The following ANO2 variants were observed in gnomAD, a reference collection of about 807,000 sequenced individuals.
The protein encoded by ANO2 is anoctamin-2.
In ANO2, 101 loss-of-function variants were observed where a neutral mutation model predicts 124.2. That is an observed-to-expected ratio of 0.81 (90% CI 0.69 to 0.96). The LOEUF is 0.96. Among genes scored for constraint, ANO2 ranks in the 40% least tolerant of loss-of-function variants. ANO2 has a pLI of 0.00. For missense variants in ANO2, 1,293 were observed against 1,274.5 expected (o/e 1.01, Z -0.22); for synonymous variants, 486 against 482.5 (o/e 1.01, Z -0.09).
intron 10 of ANO2, among the ~76,000 whole-genome samples, chr12:5,780,558 G>A (rs1952359048): frequency 6.6e-6 from 1 of 152,190 alleles, no homozygotes; most frequent in African/African-American, 2.4e-5. Flanking sequence ...AACACATTCA[G>A]TCATTCCTTT....
Position 5,915,637 on chromosome 12 carries a change from C to A in ANO2, c.534+5403G>T, listed in dbSNP as rs560446056. ...TGGGACAGCTGAGCAGGTGGGGCCA[C>A]CGCACCTACTGTTCAAACTGCCACC... On this transcript the variant is annotated intron_variant, in intron 3 of 24. Transcript: ENST00000682330. Among the ~76,000 whole-genome samples the A allele has an allele frequency of 5.9e-5, 9 of 152,298 alleles. No individual in the cohort carries two copies. In the South Asian group the frequency reaches 1.0e-3, roughly 18 times the overall value.
Position 5,750,964 on chromosome 12 carries a change from A to G in ANO2, c.1062T>C (p.Tyr354=), listed in dbSNP as rs1951417716. The G allele has an allele frequency of 1.9e-6, 3 of 1,596,806 alleles. No homozygotes were observed. The highest frequency in any genetic ancestry group is 4.5e-5 in the East Asian group (2 of 44,722). Residue 354 remains tyrosine, a synonymous_variant, in exon 11 of 25, where the codon TAT becomes TAC. Coordinates refer to ENST00000682330, the MANE Select transcript of ANO2 (RefSeq NM_001364791.2). ...KFQPIDLIRK[Y]FGEKIGLYFA... ...AATACAGTCCAATTTTTTCTCCAAAATACTTTCTGGAAAAGAAAGAAAAGA... is the reference window on the plus strand; with the variant it reads ...AATACAGTCCAATTTTTTCTCCAAAGTACTTTCTGGAAAAGAAAGAAAAGA...
At chr12:5,750,178 T>C (rs1389963199) in intron 11 of ANO2, among the ~76,000 whole-genome samples, 1 of 151,916 alleles carries the variant, frequency 6.6e-6, no homozygotes, top group Non-Finnish European at 1.5e-5. Context: ...CCAACAATAC[T>C]CCCTCCTTGG....
intron 1 of ANO2, among the ~76,000 whole-genome samples, chr12:5,926,321 A>G (rs1483910777): frequency 1.3e-5 from 2 of 152,000 alleles, no homozygotes; most frequent in Non-Finnish European, 2.9e-5. Context: ...CTCCTAACAG[A>G]TCTCCCTGCT....
chr12:5,642,218 G>C (rs1244518796), intron 15 of ANO2, among the ~76,000 whole-genome samples: 1 of 152,044 alleles, frequency 6.6e-6, no homozygotes, highest in Non-Finnish European at 1.5e-5. Flanking sequence ...CAGCATAGCA[G>C]TGTCCCGGGA....
intron 15 of ANO2, among the ~76,000 whole-genome samples, chr12:5,638,943 T>C (rs1018268767): frequency 1.3e-5 from 2 of 152,140 alleles, no homozygotes; most frequent in Non-Finnish European, 2.9e-5. Context: ...GGAACTTGCA[T>C]TCTGAAGCAA....
intron 14 of ANO2, among the ~76,000 whole-genome samples, chr12:5,661,801 A>G (rs529570818): frequency 2.0e-5 from 3 of 152,200 alleles, no homozygotes; most frequent in Non-Finnish European, 4.4e-5. Flanking sequence ...TTCACGGGCA[A>G]TGCTGGGAAA....
At chr12:5,757,930 G>A (rs1233629845) in intron 10 of ANO2, among the ~76,000 whole-genome samples, 1 of 152,184 alleles carries the variant, frequency 6.6e-6, no homozygotes. Flanking sequence ...TCAAACACAA[G>A]AGCAGTTTGC....
At chr12:5,854,489 C>T (rs911949197) in intron 3 of ANO2, among the ~76,000 whole-genome samples, 1 of 148,974 alleles carries the variant, frequency 6.7e-6, no homozygotes, top group African/African-American at 2.5e-5. Context: ...AATCTCATTA[C>T]ACTCTTAATA....
intron 13 of ANO2, 108 bp from the exon 14 acceptor site, chr12:5,732,738 C>T (rs1950694585): frequency 1.3e-6 from 2 of 1,522,674 alleles, no homozygotes. Flanking sequence ...GGATTGGATG[C>T]TATTGGATAT....
chr12:5,683,703 G>A (rs1234486328), intron 14 of ANO2, among the ~76,000 whole-genome samples: 4 of 152,080 alleles, frequency 2.6e-5, no homozygotes, highest in African/African-American at 7.2e-5. Context: ...TGCTGAAACC[G>A]TGGTAGACTA....
chr12:5,809,360 A>T (rs1953311752), intron 7 of ANO2, among the ~76,000 whole-genome samples: 1 of 152,136 alleles, frequency 6.6e-6, no homozygotes, highest in Non-Finnish European at 1.5e-5. Flanking sequence ...GCATGGATAG[A>T]GGTTGAAGCA....
At chr12:5,902,618 G>A (rs1398390773) in intron 3 of ANO2, among the ~76,000 whole-genome samples, 2 of 4,236 alleles carry the variant, frequency 4.7e-4, no homozygotes, top group Admixed American at 1.9e-3. Context: ...GAATGGGAGG[G>A]GAGGGGAGGG....
At chr12:5,741,504 C>T (rs2137078982) in intron 12 of ANO2, among the ~76,000 whole-genome samples, 1 of 152,296 alleles carries the variant, frequency 6.6e-6, no homozygotes, top group Admixed American at 6.5e-5. Flanking sequence ...CCGCTCCTTC[C>T]TTGGTTCCCG....
At position 5,789,520 on chromosome 12, in the gene ANO2, T is replaced by G. The variant is rs1952637426; in HGVS notation, c.1055+9987A>C. ...TCCCGAGTCCCTGCCGCAGGCTGAG[T>G]GACTAAGGCTGAGCTCCCCAGTCTC... is the stretch of plus-strand genomic sequence containing the variant. On this transcript the variant is annotated intron_variant, in intron 10 of 24. Transcript: ENST00000682330. 1.3e-5 allele frequency among the ~76,000 whole-genome samples: 2 copies of G among 152,148 alleles called. 1 individual carries two copies. The highest frequency in any genetic ancestry group is 4.1e-4 in the South Asian group (2 of 4,826).
chr12:5,578,099 C>T, intron 21 of ANO2, 92 bp from the exon 22 acceptor site: 1 of 1,475,776 alleles, frequency 6.8e-7, no homozygotes, highest in Non-Finnish European at 9.3e-7. Flanking sequence ...TGCAGGTGAA[C>T]TACGGAGCAG....
chr12:5,920,919 GA>G (rs1402187164), intron 3 of ANO2, 120 bp downstream of exon 3: 18 of 1,200,766 alleles, frequency 1.5e-5, no homozygotes, highest in African/African-American at 6.1e-5. Context: ...TTCTCCAGCA[GA>G]AAAAAAAGTC....
intron 11 of ANO2, among the ~76,000 whole-genome samples, chr12:5,747,105 C>T (rs149088162): frequency 5.3e-5 from 8 of 152,318 alleles, no homozygotes; most frequent in African/African-American, 9.6e-5. Flanking sequence ...TTACATAAGA[C>T]GAAACCACGG....
intron 3 of ANO2, among the ~76,000 whole-genome samples, chr12:5,880,632 A>G (rs2137296129): frequency 1.3e-5 from 2 of 152,266 alleles, no homozygotes; most frequent in African/African-American, 4.8e-5. Context: ...AATGCAATAG[A>G]AAAATCAAGT....
Sources: gnomAD v4.1 joint callset for allele counts (sites outside exome capture counted in the v4.1 genomes callset) on GRCh38, gnomAD v4.1.1 for gene constraint, MANE v1.5 for transcripts, NCBI Gene and HGNC (gene_info 2026-07-23, HGNC 2026-07-21) for gene names.